The following FANCB variants were observed in gnomAD, a reference collection of about 807,000 sequenced individuals.
The protein encoded by FANCB is FA complementation group B.
A neutral mutation model predicts 38.9 loss-of-function variants in FANCB; 5 were observed. The ratio of observed to expected loss-of-function variants is 0.13; its 90% confidence interval spans 0.07 to 0.27. FANCB has a LOEUF of 0.27. Ranked by LOEUF, FANCB falls within the 10% of genes least tolerant of loss-of-function variation. FANCB has a pLI of 1.00. For synonymous variants in FANCB, 236 were observed against 215.4 expected, an observed-to-expected ratio of 1.10 and a Z score of -0.84; for missense variants, 573 against 602.7, an observed-to-expected ratio of 0.95 and a Z score of 0.52.
the FANCB span, among the ~76,000 whole-genome samples, chrX:14,711,909 A>G: frequency 8.9e-6 from 1 of 112,150 alleles, no homozygotes; most frequent in Non-Finnish European, 1.9e-5. Context: ...CCTTAAAGAC[A>G]GTTCCATTTA....
At chrX:14,867,428 A>T (rs1738399079) in intron 2 of FANCB, among the ~76,000 whole-genome samples, 1 of 111,067 alleles carries the variant, frequency 9.0e-6, no homozygotes, top group Non-Finnish European at 1.9e-5. Flanking sequence ...AAATAAATTC[A>T]TGCACCAACA....
chrX:14,773,270 G>A, the FANCB span, among the ~76,000 whole-genome samples: 1 of 112,538 alleles, frequency 8.9e-6, no homozygotes. Flanking sequence ...TGAAGAGCTG[G>A]CTCTAGGATG....
chrX:14,704,426 A>G, the FANCB span, among the ~76,000 whole-genome samples: 18 of 112,454 alleles, frequency 1.6e-4, no homozygotes, highest in East Asian at 5.0e-3. Flanking sequence ...CTTGAGCTGT[A>G]GTTATTTCAG....
the FANCB span, among the ~76,000 whole-genome samples, chrX:14,779,824 T>C: frequency 1.8e-5 from 2 of 110,566 alleles, no homozygotes; most frequent in Non-Finnish European, 3.8e-5. Flanking sequence ...TATTTGGATA[T>C]ATCCTGTGAG....
chrX:14,781,241 C>G, the FANCB span, among the ~76,000 whole-genome samples: 1 of 104,641 alleles, frequency 9.6e-6, no homozygotes, highest in African/African-American at 4.0e-5. Flanking sequence ...ACCAGCCTGA[C>G]CAACATGATG....
At chrX:14,724,462 C>T in the FANCB span, among the ~76,000 whole-genome samples, 1 of 108,387 alleles carries the variant, frequency 9.2e-6, no homozygotes, top group Admixed American at 1.0e-4. Flanking sequence ...CCCGTCTCTA[C>T]TAAAAATACA....
the FANCB span, among the ~76,000 whole-genome samples, chrX:14,711,659 T>C: frequency 1.8e-5 from 2 of 112,330 alleles, no homozygotes; most frequent in Non-Finnish European, 3.8e-5. Flanking sequence ...TTAATGTACA[T>C]TTCCCTGAAT....
At chrX:14,857,449 T>C (rs1362276909) in intron 5 of FANCB, among the ~76,000 whole-genome samples, 8 of 111,594 alleles carry the variant, frequency 7.2e-5, no homozygotes, top group Admixed American at 6.7e-4. Context: ...CCTTGGTACA[T>C]TTGGGAAAAA....
the FANCB span, among the ~76,000 whole-genome samples, chrX:14,827,610 T>C: frequency 3.6e-5 from 4 of 112,093 alleles, no homozygotes; most frequent in African/African-American, 1.3e-4. Flanking sequence ...AGAATTACTA[T>C]CTGAGGGTAA....
At chrX:14,824,281 T>C in the FANCB span, among the ~76,000 whole-genome samples, 2 of 111,611 alleles carry the variant, frequency 1.8e-5, no homozygotes, top group Admixed American at 1.9e-4. Context: ...ATTCTTGGGG[T>C]ACGCTTAACT....
At chrX:14,848,323 A>G (rs192012792) in intron 7 of FANCB, among the ~76,000 whole-genome samples, 1 of 112,053 alleles carries the variant, frequency 8.9e-6, no homozygotes, top group African/African-American at 3.2e-5. Flanking sequence ...GAGGTTTCAC[A>G]TCACCAAGAT....
chrX:14,691,306 TGTGTGTGTGTGTGTGTGTGC>T, the FANCB span, among the ~76,000 whole-genome samples: 15 of 104,959 alleles, frequency 1.4e-4, no homozygotes, highest in African/African-American at 5.2e-4. Context: ...TGTGTGTGTG[TGTGTGTGTGTGTGTGTGTGC>T]GCGCGTGCGT....
chrX:14,725,164 C>G, the FANCB span, among the ~76,000 whole-genome samples: 1 of 111,701 alleles, frequency 9.0e-6, no homozygotes, highest in African/African-American at 3.3e-5. Flanking sequence ...ACAGGACTGA[C>G]CATGGTTTTA....
the FANCB span, among the ~76,000 whole-genome samples, chrX:14,797,803 T>C: frequency 9.0e-6 from 1 of 111,126 alleles, no homozygotes; most frequent in Non-Finnish European, 1.9e-5. Flanking sequence ...AATTTGTGGA[T>C]ATATTTTAAA....
chrX:14,816,925 G>A, the FANCB span, among the ~76,000 whole-genome samples: 7 of 111,693 alleles, frequency 6.3e-5, no homozygotes, highest in Non-Finnish European at 1.1e-4. Context: ...GGAGAATAAT[G>A]TTACCTAGCT....
intron 1 of FANCB, among the ~76,000 whole-genome samples, chrX:14,870,168 A>G (rs2092488529): frequency 8.9e-6 from 1 of 111,907 alleles, no homozygotes; most frequent in Admixed American, 9.5e-5. Context: ...CTGCTGCAAC[A>G]TCTATTTTTA....
At chrX:14,731,366 C>CTT in the FANCB span, 2 of 111,750 alleles carry the variant, frequency 1.8e-5, no homozygotes, top group Non-Finnish European at 3.8e-5. Flanking sequence ...TTACACGTGA[C>CTT]TTTAATCGCC....
At chrX:14,837,643 T>C (rs2092344847) in intron 10 of FANCB, among the ~76,000 whole-genome samples, 1 of 112,604 alleles carries the variant, frequency 8.9e-6, no homozygotes, top group African/African-American at 3.2e-5. Flanking sequence ...TATACTTTTA[T>C]AGAATTGTGT....
chrX:14,710,892 T>C, the FANCB span, among the ~76,000 whole-genome samples: 1 of 112,383 alleles, frequency 8.9e-6, no homozygotes, highest in African/African-American at 3.2e-5. Context: ...CCATTCAACA[T>C]TTCCAACAAA....
Sources: gnomAD v4.1 joint callset for allele counts (sites outside exome capture counted in the v4.1 genomes callset) on GRCh38, gnomAD v4.1.1 for gene constraint, MANE v1.5 for transcripts, NCBI Gene and HGNC (gene_info 2026-07-23, HGNC 2026-07-21) for gene names.